MSRA: variants seen among roughly 807,000 people sequenced by gnomAD.
The protein encoded by MSRA is methionine sulfoxide reductase A.
In MSRA, 54 loss-of-function variants were observed where a neutral mutation model predicts 31.3. That is an observed-to-expected ratio of 1.73 (90% CI 1.39 to 2.17). The LOEUF is 2.17. MSRA is among the 30% of genes most tolerant of loss of function. MSRA has a pLI of 0.00. For missense variants in MSRA, 507 were observed against 300.9 expected (o/e 1.69, Z -5.07); for synonymous variants, 169 against 116.5 (o/e 1.45, Z -2.90).
At chr8:10,181,969 T>TC (rs1454230383) in intron 1 of MSRA, among the ~76,000 whole-genome samples, 17 of 152,102 alleles carry the variant, frequency 1.1e-4, no homozygotes, top group African/African-American at 3.6e-4. Context: ...AATTTTTTTT[T>TC]CTCTTCAAAA....
intron 3 of MSRA, among the ~76,000 whole-genome samples, chr8:10,262,641 C>T (rs953094523): frequency 4.6e-5 from 7 of 152,078 alleles, no homozygotes; most frequent in African/African-American, 1.7e-4. Context: ...ATGTGTCCTC[C>T]CAGTCTGTGG....
chr8:10,064,337 G>T (rs1797352568), intron 1 of MSRA, among the ~76,000 whole-genome samples: 1 of 152,122 alleles, frequency 6.6e-6, no homozygotes, highest in South Asian at 2.1e-4. Flanking sequence ...TCTTATGAAA[G>T]GGGACATAGG....
rs566222100 is a variant in MSRA, at chr8:10,207,564, G to T, written c.143-269G>T. 2.0e-5 allele frequency among the ~76,000 whole-genome samples: 3 copies of T among 152,244 alleles called. No individual in the cohort carries two copies. In the East Asian group the frequency reaches 5.8e-4, roughly 29 times the overall value. Reference sequence around the variant, plus strand: ...TGGGTGTCGGGAGCCTTCAGGCCCGGCTGGGTCTGTAGCCACCCATTGTCC... The same window carrying T: ...TGGGTGTCGGGAGCCTTCAGGCCCGTCTGGGTCTGTAGCCACCCATTGTCC... On this transcript the variant is annotated intron_variant, in intron 1 of 5. Transcript: ENST00000317173.
chr8:10,299,131 A>C (rs1174764266), intron 3 of MSRA, among the ~76,000 whole-genome samples: 16 of 152,114 alleles, frequency 1.1e-4, no homozygotes, highest in African/African-American at 3.6e-4. Context: ...ATTTGCTTTC[A>C]TTTTGATCAC....
intron 5 of MSRA, among the ~76,000 whole-genome samples, chr8:10,362,820 CCCGCGCCA>C (rs1323934109): frequency 6.6e-6 from 1 of 152,066 alleles, no homozygotes. Context: ...AACGCAACTG[CCCGCGCCA>C]CCGGGAGCTG....
intron 4 of MSRA, among the ~76,000 whole-genome samples, chr8:10,315,357 C>T (rs1393998302): frequency 1.3e-5 from 2 of 152,184 alleles, no homozygotes; most frequent in Non-Finnish European, 2.9e-5. Context: ...AGAGGGAAGG[C>T]ATTGTCATCA....
At chr8:10,122,491 C>G (rs1801196788) in intron 1 of MSRA, among the ~76,000 whole-genome samples, 1 of 150,614 alleles carries the variant, frequency 6.6e-6, no homozygotes, top group South Asian at 2.1e-4. Flanking sequence ...TAAGTGGATC[C>G]AGAGTACAGT....
At chr8:10,362,824 C>T (rs1012959537) in intron 5 of MSRA, among the ~76,000 whole-genome samples, 1 of 152,004 alleles carries the variant, frequency 6.6e-6, no homozygotes, top group Non-Finnish European at 1.5e-5. Context: ...CAACTGCCCG[C>T]GCCACCGGGA....
intron 1 of MSRA, among the ~76,000 whole-genome samples, chr8:10,205,599 A>G (rs951224748): frequency 6.6e-6 from 1 of 152,208 alleles, no homozygotes; most frequent in African/African-American, 2.4e-5. Flanking sequence ...TGGGAAACCA[A>G]CTACTGTGGA....
intron 1 of MSRA, among the ~76,000 whole-genome samples, chr8:10,115,721 G>A (rs564757954): frequency 2.0e-5 from 3 of 152,252 alleles, no homozygotes; most frequent in Non-Finnish European, 2.9e-5. Flanking sequence ...ACGGATCTGC[G>A]TGATGAATTT....
chr8:10,101,061 A>C (rs181069994), intron 1 of MSRA, among the ~76,000 whole-genome samples: 1 of 152,356 alleles, frequency 6.6e-6, no homozygotes, highest in Admixed American at 6.5e-5. Flanking sequence ...AGCTGTATTC[A>C]TGGGAAATCT....
intron 1 of MSRA, among the ~76,000 whole-genome samples, chr8:10,103,306 G>C (rs1036754410): frequency 6.6e-6 from 1 of 152,142 alleles, no homozygotes; most frequent in African/African-American, 2.4e-5. Context: ...TTTCATTTGT[G>C]AATTCAAACC....
At chr8:10,156,244 G>A (rs1317057206) in intron 1 of MSRA, among the ~76,000 whole-genome samples, 1 of 152,210 alleles carries the variant, frequency 6.6e-6, no homozygotes, top group African/African-American at 2.4e-5. Context: ...GGACATTTTT[G>A]AGACAATCGG....
intron 1 of MSRA, among the ~76,000 whole-genome samples, chr8:10,155,024 T>C (rs1804033119): frequency 8.7e-6 from 1 of 114,554 alleles, no homozygotes; most frequent in South Asian, 3.1e-4. Context: ...AGGTTTTACC[T>C]TGCATTCGCA....
At chr8:10,138,063 G>A (rs1217441625) in intron 1 of MSRA, among the ~76,000 whole-genome samples, 3 of 152,170 alleles carry the variant, frequency 2.0e-5, no homozygotes, top group Admixed American at 1.3e-4. Context: ...TGGGTCACAG[G>A]CGTATATAGA....
At chr8:10,059,955 G>A (rs942420798) in intron 1 of MSRA, among the ~76,000 whole-genome samples, 2 of 152,148 alleles carry the variant, frequency 1.3e-5, no homozygotes, top group African/African-American at 4.8e-5. Flanking sequence ...GAACTTTGAC[G>A]ATACACTGTG....
At chr8:10,365,989 G>C (rs1563398878) in intron 5 of MSRA, among the ~76,000 whole-genome samples, 1 of 152,200 alleles carries the variant, frequency 6.6e-6, no homozygotes, top group Non-Finnish European at 1.5e-5. Context: ...GTGCCAAGCT[G>C]AGCAGCCTTG....
intron 4 of MSRA, among the ~76,000 whole-genome samples, chr8:10,304,247 C>T (rs1476737199): frequency 6.6e-6 from 1 of 152,194 alleles, no homozygotes; most frequent in Admixed American, 6.5e-5. Flanking sequence ...ACCAGGTGTA[C>T]TAAATCACTA....
intron 5 of MSRA, among the ~76,000 whole-genome samples, chr8:10,420,270 G>T (rs965728549): frequency 6.6e-6 from 1 of 151,994 alleles, no homozygotes; most frequent in Non-Finnish European, 1.5e-5. Flanking sequence ...GTTGCCCGGG[G>T]CTGGGGAGTA....
Sources: gnomAD v4.1 joint callset for allele counts (sites outside exome capture counted in the v4.1 genomes callset) on GRCh38, gnomAD v4.1.1 for gene constraint, MANE v1.5 for transcripts, NCBI Gene and HGNC (gene_info 2026-07-23, HGNC 2026-07-21) for gene names.